Variants in CHRNA2 observed in about 807,000 individuals in gnomAD.
CHRNA2 encodes the protein neuronal acetylcholine receptor subunit alpha-2.
CHRNA2 carries 40 observed loss-of-function variants against 45.5 expected under a neutral mutation model. The ratio of observed to expected loss-of-function variants is 0.88; its 90% CI spans 0.68 to 1.15. The LOEUF (loss-of-function observed/expected upper bound fraction) is 1.15, where lower values mean the gene tolerates loss of function less well. CHRNA2 is among the 50% of genes most tolerant of loss of function. The pLI is 0.00. For synonymous variants in CHRNA2, 301 were observed against 296.7 expected (o/e 1.01, Z -0.15); for missense variants, 655 against 701.7 (o/e 0.93, Z 0.75).
In CHRNA2 at chr8:27,463,486, C is replaced by T. The variant is rs375239013; in HGVS notation, c.957G>A (p.Pro319=). The T allele has an allele frequency of 3.1e-6, 5 of 1,614,112 alleles. No homozygotes were observed. Among genetic ancestry groups the T allele is most frequent in the African/African-American group, 2.7e-5 (2 of 75,024 alleles). ...TGAGCGGGATGACCAGCGAGGTGGA[C>T]GGGATGATCTCAGTGATGAGCAGCA... is the stretch of plus-strand genomic sequence containing the variant. ...VFLLLITEII[P]STSLVIPLIG... Residue 319 remains proline, a synonymous_variant, in exon 6 of 7, where the codon CCG becomes CCA. Transcript: ENST00000407991. This position sits in a 1 kb window ranked among gnomAD's most constrained non-coding sequence, Gnocchi z 6.1.
intron 1 of CHRNA2, chr8:27,475,175 A>G (rs564921192): frequency 3.3e-5 from 5 of 152,332 alleles, no homozygotes; most frequent in African/African-American, 1.2e-4. Flanking sequence ...GATGTGTTTT[A>G]CAAGCCCTCC....
At position 27,463,108 on chromosome 8, in the gene CHRNA2, C is replaced by T. The variant is rs544902151; in HGVS notation, c.1335G>A (p.Gly445=). ...TLCSHGHLHS[G]ASGPKAEALL... is the part of the protein sequence containing the mutation. ...GAGCCTCAGCCTTGGGACCTGAGGC[C>T]CCAGAGTGCAGGTGGCCGTGGCTGC... Residue 445 remains glycine, a synonymous_variant, in exon 6 of 7, where the codon GGG becomes GGA. Coordinates refer to ENST00000407991, the MANE Select transcript of CHRNA2 (RefSeq NM_000742.4). The surrounding 1 kb of genome is among the most constrained non-coding windows in gnomAD (Gnocchi z 6.1). 1 of 1,610,856 alleles carries T rather than the reference C, an allele frequency of 6.2e-7. No individual in the cohort carries two copies. The highest frequency in any genetic ancestry group is 2.2e-5 in the East Asian group (1 of 44,768).
At chr8:27,464,534 AG>A (rs1812638286) in intron 5 of CHRNA2, among the ~76,000 whole-genome samples, 1 of 151,870 alleles carries the variant, frequency 6.6e-6, no homozygotes, top group African/African-American at 2.4e-5. Flanking sequence ...GTTTTGGGGA[AG>A]GGGTGGGTGT....
rs370619269 is a variant in CHRNA2, at chr8:27,461,924, G to A, written c.1465-170C>T. 1.1e-4 allele frequency among the ~76,000 whole-genome samples: 16 copies of A among 152,262 alleles called. 1 individual carries two copies. The highest frequency in any genetic ancestry group is 2.1e-4 in the South Asian group (1 of 4,816). On this transcript the variant is annotated intron_variant, in intron 6 of 6. Transcript: ENST00000407991. ...AGCGGGGTGAGTGGAAGGGAGGGAC[G>A]GGCTGTTTCAAGGCTCCAGTAAGCT...
intron 5 of CHRNA2, among the ~76,000 whole-genome samples, chr8:27,464,876 T>G (rs1423818980): frequency 6.6e-6 from 1 of 151,974 alleles, no homozygotes; most frequent in Non-Finnish European, 1.5e-5. Flanking sequence ...TAAGGAGCCA[T>G]GAGGAGATGA....
chr8:27,477,923 C>T (rs1395581879), intron 1 of CHRNA2, among the ~76,000 whole-genome samples: 2 of 152,162 alleles, frequency 1.3e-5, no homozygotes, highest in Admixed American at 6.5e-5. Context: ...CACCCCCACC[C>T]CACCCCCACA....
rs1812611484 is a variant in CHRNA2 at position 27,463,865 on chromosome 8, T to C, written c.578A>G (p.Asp193Gly). Residue 193 changes from aspartate (D) to glycine (G), a missense_variant, in exon 6 of 7, where the codon GAC (aspartate) becomes GGC (glycine). By Grantham distance (94) the Asp-to-Gly change is moderately conservative. Around this residue, in one of 3 missense-constraint regions of CHRNA2, gnomAD observed 323 missense variants for 354.4 expected, o/e 0.91. Coordinates refer to ENST00000407991, the MANE Select transcript of CHRNA2 (RefSeq NM_000742.4). This position sits in a 1 kb window ranked among gnomAD's most constrained non-coding sequence, Gnocchi z 6.1. ...CSIDVTFFPF[D>G]QQNCKMKFGS... ...AAACTTCATCTTGCAGTTCTGCTGG[T>C]CGAAGGGGAAGAAGGTGACGTCGAT... 1 of 1,614,000 alleles carries C rather than the reference T, an allele frequency of 6.2e-7. No individual in the cohort carries two copies. Among genetic ancestry groups the C allele is most frequent in the African/African-American group, 1.3e-5 (1 of 74,888 alleles).
At chr8:27,464,034 ACCTG>A (rs1563319227) in intron 5 of CHRNA2, 41 bp from the exon 6 acceptor site, 1 of 1,609,792 alleles carries the variant, frequency 6.2e-7, no homozygotes, top group East Asian at 2.2e-5. Context: ...CTGCACACCC[ACCTG>A]CCTGAGCCAG....
chr8:27,474,360 T>C lies in CHRNA2; in HGVS notation c.-136-3166A>G, dbSNP rs184064712. Among the ~76,000 whole-genome samples the C allele has an allele frequency of 3.9e-5, 6 of 152,256 alleles. No individual in the cohort carries two copies. In the East Asian group the frequency reaches 1.2e-3, roughly 29 times the overall value. On this transcript the variant is annotated intron_variant, in intron 1 of 6. Transcript: ENST00000407991. ...TCAAAGACTTGTTGAAAATAGAGGATTACATTTTTCTTCTGTTCCCTTGGG... is the reference window on the plus strand; with the variant it reads ...TCAAAGACTTGTTGAAAATAGAGGACTACATTTTTCTTCTGTTCCCTTGGG...
chr8:27,461,601 C>G lies in CHRNA2; in HGVS notation c.*28G>C. On this transcript the variant is annotated 3_prime_UTR_variant, in exon 7 of 7. Coordinates refer to ENST00000407991, the MANE Select transcript of CHRNA2 (RefSeq NM_000742.4). Reference sequence around the variant, plus strand: ...GTCAAAAGATGGTCAGCGGGGGTGCCCTGGGAGCCAGCTCGAGGGAGGTGC... The same window carrying G: ...GTCAAAAGATGGTCAGCGGGGGTGCGCTGGGAGCCAGCTCGAGGGAGGTGC... 1 of 1,613,874 alleles carries G rather than the reference C, an allele frequency of 6.2e-7. No individual in the cohort carries two copies. The highest frequency in any genetic ancestry group is 2.2e-5 in the East Asian group (1 of 44,866).
At position 27,461,592 on chromosome 8, in the gene CHRNA2, C is replaced by G. The variant is rs141508075; in HGVS notation, c.*37G>C. The G allele has an allele frequency of 6.2e-6, 10 of 1,613,366 alleles. No individual in the cohort carries two copies. In the African/African-American group the frequency reaches 1.3e-4, roughly 22 times the overall value. On this transcript the variant is annotated 3_prime_UTR_variant, in exon 7 of 7. Transcript: ENST00000407991. ...GCAGAGACGGTCAAAAGATGGTCAGCGGGGGTGCCCTGGGAGCCAGCTCGA... is the reference window on the plus strand; with the variant it reads ...GCAGAGACGGTCAAAAGATGGTCAGGGGGGGTGCCCTGGGAGCCAGCTCGA...
Position 27,461,546 on chromosome 8 carries a change from G to A in CHRNA2, c.*83C>T. On this transcript the variant is annotated 3_prime_UTR_variant, in exon 7 of 7. Transcript: ENST00000407991. ...GGAGAGGCACCTGCTCATCCCAAAG[G>A]GGACACCAGAGGCAGCTGTAGCAGA... 1 of 1,597,382 alleles carries A rather than the reference G, an allele frequency of 6.3e-7. No homozygotes were observed. Among genetic ancestry groups the A allele is most frequent in the Non-Finnish European group, 8.6e-7 (1 of 1,167,024 alleles).
chr8:27,475,027 T>C (rs548455288), intron 1 of CHRNA2, among the ~76,000 whole-genome samples: 271 of 152,380 alleles, frequency 1.8e-3, no homozygotes, highest in Non-Finnish European at 3.0e-3. Flanking sequence ...ATAGATCACC[T>C]GTGTTATCTC....
intron 5 of CHRNA2, among the ~76,000 whole-genome samples, chr8:27,466,039 G>A (rs1812688558): frequency 6.6e-6 from 1 of 152,192 alleles, no homozygotes; most frequent in Non-Finnish European, 1.5e-5. Flanking sequence ...TACAGGAAGT[G>A]GAAACTAGAA....
chr8:27,461,927 C>T (rs1402026775), intron 6 of CHRNA2, among the ~76,000 whole-genome samples, 173 bp from the exon 7 acceptor site: 1 of 152,148 alleles, frequency 6.6e-6, no homozygotes. Flanking sequence ...GAGGGACGGG[C>T]TGTTTCAAGG....
intron 4 of CHRNA2, among the ~76,000 whole-genome samples, chr8:27,468,928 G>T (rs946930511): frequency 2.0e-5 from 3 of 152,228 alleles, no homozygotes; most frequent in African/African-American, 7.2e-5. Context: ...CATAGAAGGA[G>T]CCTGGGACTC....
chr8:27,477,886 C>T (rs889274619), intron 1 of CHRNA2, among the ~76,000 whole-genome samples: 12 of 152,122 alleles, frequency 7.9e-5, no homozygotes, highest in African/African-American at 2.4e-4. Flanking sequence ...GGGCTTGTGT[C>T]GCTGCTCACG....
chr8:27,469,294 C>G, intron 4 of CHRNA2, 41 bp downstream of exon 4: 1 of 1,543,290 alleles, frequency 6.5e-7, no homozygotes, highest in East Asian at 2.5e-5. Flanking sequence ...TCCATGGATT[C>G]CCGGTACCCG....
chr8:27,463,240 A>G lies in CHRNA2; in HGVS notation c.1203T>C (p.Tyr401=). The change falls in exon 6 of 7, where the codon TAT becomes TAC. Residue 401 remains tyrosine (Y), a synonymous_variant. Transcript: ENST00000407991. This position sits in a 1 kb window ranked among gnomAD's most constrained non-coding sequence, Gnocchi z 6.1. ...CATCCACGTTGCTCTCCAGCCAGTGATAAGAGGGGCTGAGCTTCAGGCGTA... is the reference window on the plus strand; with the variant it reads ...CATCCACGTTGCTCTCCAGCCAGTGGTAAGAGGGGCTGAGCTTCAGGCGTA... The part of the protein sequence containing the change: ...HPLRLKLSPS[Y]HWLESNVDAE... The G allele has an allele frequency of 6.3e-7, 1 of 1,595,308 alleles. No homozygotes were observed. The highest frequency in any genetic ancestry group is 8.6e-7 in the Non-Finnish European group (1 of 1,168,044).
Sources: gnomAD v4.1 joint callset for allele counts (sites outside exome capture counted in the v4.1 genomes callset) on GRCh38, gnomAD v4.1.1 for gene constraint, gnomAD v4.1.1 regional missense constraint, Gnocchi (gnomAD v3.1) non-coding constraint, MANE v1.5 for transcripts, NCBI Gene and HGNC (gene_info 2026-07-23, HGNC 2026-07-21) for gene names.